Variants in FARP1 observed in about 807,000 individuals in gnomAD.
The protein encoded by FARP1 is FERM, ARH/RhoGEF and pleckstrin domain protein 1.
A neutral mutation model predicts 128.8 loss-of-function variants in FARP1; 52 were observed. That is an observed-to-expected ratio of 0.40 (90% CI 0.32 to 0.51). FARP1 has a LOEUF of 0.51. Among genes scored for constraint, FARP1 ranks in the 20% least tolerant of loss-of-function variants. FARP1 has a pLI of 0.45. For missense variants in FARP1, 1,333 were observed against 1,367.9 expected (o/e 0.97, Z 0.40); for synonymous variants, 580 against 551.8 (o/e 1.05, Z -0.72).
At chr13:98,269,025 C>G (rs1264773467) in intron 2 of FARP1, among the ~76,000 whole-genome samples, 1 of 152,166 alleles carries the variant, frequency 6.6e-6, no homozygotes, top group African/African-American at 2.4e-5. Flanking sequence ...AGCCATCATG[C>G]CCAGCCTCTC....
intron 2 of FARP1, among the ~76,000 whole-genome samples, chr13:98,253,016 G>A (rs150404105): frequency 4.7e-4 from 72 of 152,296 alleles, no homozygotes; most frequent in African/African-American, 1.6e-3. Flanking sequence ...CTATGACTGC[G>A]TAGAATTCCA....
chr13:98,443,898 G>GGGGC (rs149639163), intron 24 of FARP1, among the ~76,000 whole-genome samples: 24 of 152,358 alleles, frequency 1.6e-4, no homozygotes, highest in Non-Finnish European at 3.5e-4. Flanking sequence ...AAGGGACAGT[G>GGGGC]AGGCCAGGGA....
At chr13:98,401,971 G>A (rs1172864300) in intron 13 of FARP1, 1 of 152,142 alleles carries the variant, frequency 6.6e-6, no homozygotes, top group Non-Finnish European at 1.5e-5. Flanking sequence ...TGGAGGCAGT[G>A]CATTTGCATC....
chr13:98,315,319 C>T (rs1331148019), intron 2 of FARP1, among the ~76,000 whole-genome samples: 1 of 152,092 alleles, frequency 6.6e-6, no homozygotes, highest in Non-Finnish European at 1.5e-5. Flanking sequence ...ATTGCCCAAG[C>T]TGTCTCGAAC....
chr13:98,369,889 G>A (rs1292431146), intron 5 of FARP1, among the ~76,000 whole-genome samples: 1 of 152,160 alleles, frequency 6.6e-6, no homozygotes, highest in East Asian at 1.9e-4. Flanking sequence ...AGTATCTTGG[G>A]TCATCATTGA....
intron 16 of FARP1, among the ~76,000 whole-genome samples, chr13:98,414,905 C>T (rs1265361017): frequency 1.3e-5 from 2 of 152,168 alleles, no homozygotes; most frequent in Admixed American, 1.3e-4. Flanking sequence ...CAGTCTGGTC[C>T]TGTGGGAAAG....
At chr13:98,149,170 G>A (rs1875788725) in intron 1 of FARP1, among the ~76,000 whole-genome samples, 1 of 152,184 alleles carries the variant, frequency 6.6e-6, no homozygotes, top group African/African-American at 2.4e-5. Context: ...TTACTGGCAT[G>A]AACTGCCATG....
At chr13:98,412,230 T>C (rs549727014) in intron 16 of FARP1, among the ~76,000 whole-genome samples, 196 bp downstream of exon 16, 1 of 152,328 alleles carries the variant, frequency 6.6e-6, no homozygotes, top group South Asian at 2.1e-4. Context: ...TTTCCTCTGG[T>C]TTGCAGTTCT....
At chr13:98,168,260 C>T (rs1161140423) in intron 1 of FARP1, among the ~76,000 whole-genome samples, 1 of 152,150 alleles carries the variant, frequency 6.6e-6, no homozygotes, top group Non-Finnish European at 1.5e-5. Context: ...AGCTAAACTG[C>T]ATCATAAGCT....
chr13:98,296,492 T>G (rs1467128024), intron 2 of FARP1, among the ~76,000 whole-genome samples: 3 of 134,822 alleles, frequency 2.2e-5, no homozygotes, highest in Non-Finnish European at 4.7e-5. Flanking sequence ...CTCCTATGTT[T>G]CCATGATCTG....
intron 13 of FARP1, 27 bp from the exon 14 acceptor site, chr13:98,409,311 T>TC (rs397750151): frequency 4.9e-5 from 75 of 1,540,524 alleles, no homozygotes; most frequent in Non-Finnish European, 6.4e-5. Context: ...ACTTTTTTTT[T>TC]CTTTAAAACT....
intron 2 of FARP1, among the ~76,000 whole-genome samples, chr13:98,277,748 A>G (rs1477595815): frequency 6.6e-6 from 1 of 152,186 alleles, no homozygotes; most frequent in African/African-American, 2.4e-5. Context: ...GAAACATGGT[A>G]TTCAGTTCAT....
intron 1 of FARP1, among the ~76,000 whole-genome samples, chr13:98,193,945 A>G (rs1248246338): frequency 1.3e-5 from 2 of 152,180 alleles, no homozygotes; most frequent in Non-Finnish European, 2.9e-5. Context: ...TTCTTGAACT[A>G]CACAAAAATT....
intron 2 of FARP1, among the ~76,000 whole-genome samples, chr13:98,271,404 T>A (rs1261830624): frequency 1.3e-5 from 2 of 152,230 alleles, no homozygotes; most frequent in Admixed American, 6.5e-5. Context: ...TATATATTTT[T>A]AAATTTTACT....
intron 1 of FARP1, among the ~76,000 whole-genome samples, chr13:98,166,343 T>C (rs538042706): frequency 1.3e-5 from 2 of 152,344 alleles, no homozygotes; most frequent in East Asian, 1.9e-4. Flanking sequence ...TACATAGATA[T>C]TGCCATATTG....
intron 2 of FARP1, among the ~76,000 whole-genome samples, chr13:98,223,211 C>A (rs1471197340): frequency 6.6e-6 from 1 of 152,230 alleles, no homozygotes; most frequent in East Asian, 1.9e-4. Context: ...TGGCTCAGTG[C>A]TGTCACCAAG....
chr13:98,362,010 TC>T (rs2139951763), intron 3 of FARP1, among the ~76,000 whole-genome samples: 1 of 152,276 alleles, frequency 6.6e-6, no homozygotes, highest in Admixed American at 6.5e-5. Flanking sequence ...ATGCCTATAA[TC>T]CCAGCACTTT....
chr13:98,176,532 G>C lies in FARP1; in HGVS notation c.-24+33040G>C. The C allele has an allele frequency of 3.7e-6, 6 of 1,614,172 alleles. No individual in the cohort carries two copies. The highest frequency in any genetic ancestry group is 5.1e-6 in the Non-Finnish European group (6 of 1,180,022). ...CATGGTTTTCGTCCTCGCAGATACAGTAGCGACCCTCTTCAAGCTCCCGTT... is the reference window on the plus strand; with the variant it reads ...CATGGTTTTCGTCCTCGCAGATACACTAGCGACCCTCTTCAAGCTCCCGTT... On this transcript the variant is annotated intron_variant, in intron 1 of 26. Transcript: ENST00000319562. This position sits in a 1 kb window ranked among gnomAD's most constrained non-coding sequence, Gnocchi z 6.2.
chr13:98,346,253 G>A (rs1263906553), intron 3 of FARP1, among the ~76,000 whole-genome samples: 4 of 147,064 alleles, frequency 2.7e-5, no homozygotes, highest in Admixed American at 1.4e-4. Flanking sequence ...GCAGTGGTGC[G>A]AGCTTGGCTG....
Sources: allele counts gnomAD v4.1 joint callset (sites outside exome capture counted in the v4.1 genomes callset), GRCh38; gene constraint gnomAD v4.1.1; non-coding constraint Gnocchi (gnomAD v3.1); transcripts MANE v1.5; gene names NCBI Gene and HGNC (gene_info 2026-07-23, HGNC 2026-07-21).